Variants in AK9 observed in about 807,000 individuals in gnomAD.
AK9 encodes the protein adenylate kinase 9, also known as adenylate kinase domain containing 1.
A neutral mutation model predicts 239.6 loss-of-function variants in AK9; 191 were observed. That is an observed-to-expected ratio of 0.80 (90% CI 0.71 to 0.90). The LOEUF (loss-of-function observed/expected upper bound fraction) is 0.90. AK9 is among the 40% of genes least tolerant of loss of function. AK9 has a pLI of 0.00. For synonymous variants in AK9, 689 were observed against 721.0 expected, an observed-to-expected ratio of 0.96 and a Z score of 0.71; for missense variants, 1,995 against 2,214.7, an observed-to-expected ratio of 0.90 and a Z score of 1.99.
chr6:109,649,601 A>G (rs1451267364), intron 8 of AK9, among the ~76,000 whole-genome samples: 1 of 152,220 alleles, frequency 6.6e-6, no homozygotes, highest in Non-Finnish European at 1.5e-5. Flanking sequence ...AAACAAATGG[A>G]AGAACATTCC....
At chr6:109,525,002 G>A (rs1432308495) in intron 29 of AK9, among the ~76,000 whole-genome samples, 1 of 152,130 alleles carries the variant, frequency 6.6e-6, no homozygotes, top group Non-Finnish European at 1.5e-5. Context: ...TATGGTTTCA[G>A]GTCTTACATT....
intron 24 of AK9, among the ~76,000 whole-genome samples, chr6:109,563,343 T>C (rs558921439): frequency 1.2e-4 from 18 of 152,216 alleles, no homozygotes; most frequent in Non-Finnish European, 5.9e-5. Context: ...GCTAAATTTA[T>C]ACAATATTTA....
chr6:109,630,675 C>A (rs958093616), intron 12 of AK9, among the ~76,000 whole-genome samples: 1 of 151,930 alleles, frequency 6.6e-6, no homozygotes, highest in Non-Finnish European at 1.5e-5. Flanking sequence ...AAGACCCCAT[C>A]TCTACAAAAA....
intron 1 of AK9, among the ~76,000 whole-genome samples, chr6:109,676,994 A>G (rs1207102801): frequency 6.6e-6 from 1 of 152,198 alleles, no homozygotes. Flanking sequence ...CAAGAACAGA[A>G]AAGCAAATAC....
intron 17 of AK9, among the ~76,000 whole-genome samples, chr6:109,592,757 T>A (rs201289888): frequency 3.3e-5 from 5 of 150,932 alleles, no homozygotes; most frequent in African/African-American, 7.3e-5. Flanking sequence ...GATTTTTTTT[T>A]ATAAGTGATT....
At chr6:109,632,324 A>G (rs1379187565) in intron 12 of AK9, 1 of 985,338 alleles carries the variant, frequency 1.0e-6, no homozygotes, top group Non-Finnish European at 1.2e-6. Context: ...GGCAATCCTC[A>G]AGCCACATTG....
rs1195252050 is a variant in AK9 at position 109,646,462 on chromosome 6, A to G, written c.760-1774T>C. On this transcript the variant is annotated intron_variant, in intron 8 of 40. Transcript: ENST00000424296. The stretch of plus-strand genomic sequence containing the variant: ...ACGTGATGCATGCACAAGCTTCAGT[A>G]GCTGATTCAATCAAGTGGAAGAAAG... Among the ~76,000 whole-genome samples, 7 of 152,326 alleles carry G rather than the reference A, an allele frequency of 4.6e-5. No homozygotes were observed. In the East Asian group the frequency reaches 1.3e-3, roughly 29 times the overall value.
rs146223114 is a variant in AK9 at position 109,527,201 on chromosome 6, G to A, written c.3633+1810C>T. Among the ~76,000 whole-genome samples, 194 of 152,268 alleles carry A rather than the reference G, an allele frequency of 1.3e-3. 1 individual carries two copies. Among genetic ancestry groups the A allele is most frequent in the African/African-American group, 4.6e-3 (192 of 41,538 alleles). ...TGAGACTACAGGTCCACAAGATGGC[G>A]ACATTTCCCTATGAAATTAATGCAA... On this transcript the variant is annotated intron_variant, in intron 29 of 40. Transcript: ENST00000424296.
chr6:109,673,248 G>A (rs1288140131), intron 3 of AK9, among the ~76,000 whole-genome samples: 6 of 151,884 alleles, frequency 4.0e-5, no homozygotes, highest in Non-Finnish European at 8.8e-5. Flanking sequence ...ATTACAAATT[G>A]TTCTCCAAAA....
At chr6:109,538,628 G>A (rs1464846429) in intron 27 of AK9, among the ~76,000 whole-genome samples, 2 of 151,836 alleles carry the variant, frequency 1.3e-5, no homozygotes, top group Non-Finnish European at 2.9e-5. Context: ...ATTGTTATGT[G>A]TGAATTTGAT....
chr6:109,625,119 T>C (rs1795359347), intron 12 of AK9, among the ~76,000 whole-genome samples: 2 of 152,192 alleles, frequency 1.3e-5, no homozygotes, highest in South Asian at 2.1e-4. Flanking sequence ...ATGTTAATAA[T>C]TGGAAGCTTC....
chr6:109,610,698 C>G (rs558873476), intron 16 of AK9, among the ~76,000 whole-genome samples, 185 bp from the exon 17 acceptor site: 1 of 152,210 alleles, frequency 6.6e-6, no homozygotes, highest in South Asian at 2.1e-4. Flanking sequence ...AATCACAGCA[C>G]CGCAAACTCT....
intron 9 of AK9, among the ~76,000 whole-genome samples, chr6:109,642,705 A>G (rs1049666858): frequency 8.5e-5 from 13 of 152,170 alleles, no homozygotes; most frequent in Non-Finnish European, 1.8e-4. Context: ...TGTGAGAAAA[A>G]AAAAGTCAAG....
Position 109,564,090 on chromosome 6 carries a change from C to T in AK9, c.2625G>A (p.Glu875=), listed in dbSNP as rs1562414762. 3.9e-6 allele frequency: 6 copies of T among 1,550,590 alleles called. No homozygotes were observed. Among genetic ancestry groups the T allele is most frequent in the Non-Finnish European group, 5.2e-6 (6 of 1,146,640 alleles). Residue 875 remains glutamate (E), a synonymous_variant, in exon 23 of 41, where the codon GAG becomes GAA. Transcript: ENST00000424296. The part of the protein sequence containing the change: ...TPQELLQKVV[E]TMEKPFQYTA... ...GATTAAAGCCCTTACTTTCCATAGT[C>T]TCAACTACTTTTTGAAGTAATTCCT...
At chr6:109,679,906 A>G (rs1382282053) in intron 1 of AK9, among the ~76,000 whole-genome samples, 2 of 152,200 alleles carry the variant, frequency 1.3e-5, no homozygotes, top group Admixed American at 1.3e-4. Context: ...AATGGCATCA[A>G]TATCAACAAA....
intron 29 of AK9, chr6:109,527,634 T>A (rs1270468478): frequency 6.6e-6 from 1 of 152,170 alleles, no homozygotes; most frequent in African/African-American, 2.4e-5. Flanking sequence ...CACATACAGT[T>A]TTAATTTTTT....
At position 109,499,094 on chromosome 6, in the gene AK9, C is replaced by T. The variant is rs1325988601; in HGVS notation, c.4996G>A (p.Ala1666Thr). 2 of 1,605,238 alleles carry T rather than the reference C, an allele frequency of 1.2e-6. No homozygotes were observed. Among genetic ancestry groups the T allele is most frequent in the Admixed American group, 3.4e-5 (2 of 58,874 alleles). Residue 1666 changes from alanine (A) to threonine (T), a missense_variant, in exon 36 of 41, where the codon GCA becomes ACA. By Grantham distance (58) the Ala-to-Thr change is moderately conservative. Coordinates refer to ENST00000424296, the MANE Select transcript of AK9 (RefSeq NM_001145128.3). ...TTATAGTAGTGCCCCCTGAACTCTG[C>T]TGCAAATTCCAAGGAGTCAGTTGCA... Reference protein sequence around the residue: ...CSATDSLEFAAEFRGHYYKMS... With the variant: ...CSATDSLEFATEFRGHYYKMS...
At chr6:109,523,218 T>TA (rs1780059100) in intron 29 of AK9, among the ~76,000 whole-genome samples, 1 of 147,144 alleles carries the variant, frequency 6.8e-6, no homozygotes, top group African/African-American at 2.4e-5. Flanking sequence ...AAAAATATCC[T>TA]AAAAATCTTC....
chr6:109,636,471 T>C (rs2128279629), intron 10 of AK9, among the ~76,000 whole-genome samples: 1 of 152,108 alleles, frequency 6.6e-6, no homozygotes, highest in South Asian at 2.1e-4. Flanking sequence ...TTAAGTATAT[T>C]CACTGTGTTG....
Sources: allele counts gnomAD v4.1 joint callset (sites outside exome capture counted in the v4.1 genomes callset), GRCh38; gene constraint gnomAD v4.1.1; transcripts MANE v1.5; gene names NCBI Gene and HGNC (gene_info 2026-07-23, HGNC 2026-07-21).